ELFN2: variants seen among roughly 807,000 people sequenced by gnomAD.
ELFN2 encodes extracellular leucine rich repeat and fibronectin type III domain containing 2, also known as protein phosphatase 1 regulatory subunit 29.
ELFN2 carries 17 observed loss-of-function variants against 45.5 expected under a neutral mutation model. That is an observed-to-expected ratio of 0.37 (90% CI 0.26 to 0.56). The LOEUF is 0.56. Among genes scored for constraint, ELFN2 ranks in the 20% least tolerant of loss-of-function variants. ELFN2 has a pLI of 0.77. For synonymous variants in ELFN2, 550 were observed against 551.5 expected (o/e 1.00, Z 0.04); for missense variants, 922 against 1,183.2 (o/e 0.78, Z 3.24).
chr22:37,375,833 T>TCTCC lies in ELFN2; in HGVS notation c.-303_-300dup. The TCTCC allele has an allele frequency of 4.6e-6, 2 of 431,698 alleles. No homozygotes were observed. Among genetic ancestry groups the TCTCC allele is most frequent in the Non-Finnish European group, 4.2e-6 (1 of 238,682 alleles). The allele number at this position is 431,698 out of a possible 1,614,324, so 26.7% of individuals were successfully genotyped here. A position where few individuals can be genotyped will look rare whatever the true frequency, so the allele number is the denominator to read the frequency against. Reference sequence around the variant, plus strand: ...CAAGGGTTCTCAGGGCTTGACTTCCTCTCCCTCCTCCTCCTCCTCCTCCTC... The same window carrying TCTCC: ...CAAGGGTTCTCAGGGCTTGACTTCCTCTCCCTCCCTCCTCCTCCTCCTCCTCCTC... On this transcript the variant is annotated 5_prime_UTR_variant, in exon 3 of 3. Transcript: ENST00000402918.
In ELFN2 at chr22:37,373,578, C is replaced by A. The variant is rs754741377; in HGVS notation, c.1957G>T (p.Ala653Ser). 1.2e-5 allele frequency: 19 copies of A among 1,605,458 alleles called. No individual in the cohort carries two copies. Among genetic ancestry groups the A allele is most frequent in the Non-Finnish European group, 1.4e-5 (17 of 1,177,382 alleles). Reference sequence around the variant, plus strand: ...GAGTCGCCCTTAGCCAGCCCTGTGGCGGCCGGATGGTCGGGCACGTCCAGG... The same window carrying A: ...GAGTCGCCCTTAGCCAGCCCTGTGGAGGCCGGATGGTCGGGCACGTCCAGG... ...FSLDVPDHPA[A>S]TGLAKGDSKY... Residue 653 changes from alanine (A) to serine (S), a missense_variant, in exon 3 of 3, where the codon GCC becomes TCC. Around this residue, in one of 2 missense-constraint regions of ELFN2, gnomAD observed 564 missense variants for 642.8 expected, o/e 0.88. Coordinates refer to ENST00000402918, the MANE Select transcript of ELFN2 (RefSeq NM_052906.5).
At chr22:37,362,927 G>A (rs554096516) in intron 1 of ELFN2, among the ~76,000 whole-genome samples, 73 of 152,238 alleles carry the variant, frequency 4.8e-4, no homozygotes, top group Middle Eastern at 3.4e-3. Flanking sequence ...TACCGCCATC[G>A]TCCCTGCCCT....
chr22:37,397,164 G>GCCCCC (rs1932233892), intron 2 of ELFN2, among the ~76,000 whole-genome samples: 1 of 152,114 alleles, frequency 6.6e-6, no homozygotes, highest in Admixed American at 6.5e-5. Flanking sequence ...CCACTCCACA[G>GCCCCC]CACCCCCATG....
chr22:37,353,016 A>G (rs1569125854), intron 1 of ELFN2: 2 of 150,898 alleles, frequency 1.3e-5, no homozygotes, highest in African/African-American at 4.8e-5. Flanking sequence ...TCTGGCCTAC[A>G]CAGAGACCAC....
At chr22:37,365,695 C>T (rs1411648940), downstream of ELFN2, among the ~76,000 whole-genome samples, 1 of 152,174 alleles carries the variant, frequency 6.6e-6, no homozygotes, top group African/African-American at 2.4e-5. Context: ...GTCCTGTTTG[C>T]AGCACCCAGG....
At chr22:37,393,375 G>C (rs760081668) in intron 2 of ELFN2, among the ~76,000 whole-genome samples, 2 of 152,224 alleles carry the variant, frequency 1.3e-5, no homozygotes, top group African/African-American at 2.4e-5. Context: ...TGCAGTCAGT[G>C]GGCCTCAGGT....
chr22:37,408,334 G>T (rs1393058604), intron 2 of ELFN2, among the ~76,000 whole-genome samples: 1 of 152,228 alleles, frequency 6.6e-6, no homozygotes, highest in African/African-American at 2.4e-5. Context: ...ACTCAGCTCT[G>T]CTGGCACAGG....
At chr22:37,416,626 C>T (rs554501675) in intron 2 of ELFN2, among the ~76,000 whole-genome samples, 4 of 152,234 alleles carry the variant, frequency 2.6e-5, no homozygotes, top group South Asian at 2.1e-4. Flanking sequence ...AGGAAGCAAG[C>T]GCTGGTGCAG....
At position 37,374,011 on chromosome 22, in the gene ELFN2, G is replaced by A. The variant is rs201585205; in HGVS notation, c.1524C>T (p.Gly508=). The A allele has an allele frequency of 1.4e-5, 22 of 1,613,112 alleles. No individual in the cohort carries two copies. In the Admixed American group the frequency reaches 1.5e-4, roughly 11 times the overall value. Residue 508 remains glycine, a synonymous_variant, in exon 3 of 3, where the codon GGC becomes GGT. Coordinates refer to ENST00000402918, the MANE Select transcript of ELFN2 (RefSeq NM_052906.5). ...GCCGAGCCAGACCGTCCCCGCCGGCGCCTGTGCGCACCTCGATATAGTTGC... is the reference window on the plus strand; with the variant it reads ...GCCGAGCCAGACCGTCCCCGCCGGCACCTGTGCGCACCTCGATATAGTTGC... The part of the protein sequence containing the change: ...TKGNYIEVRT[G]AGGDGLARPE...
At chr22:37,348,017 C>T (rs1185363532) in intron 1 of ELFN2, among the ~76,000 whole-genome samples, 2 of 152,190 alleles carry the variant, frequency 1.3e-5, no homozygotes, top group African/African-American at 2.4e-5. Context: ...GAACTCTACC[C>T]CTGGGGATTC....
chr22:37,397,314 A>C (rs1932240294), intron 2 of ELFN2, among the ~76,000 whole-genome samples: 1 of 152,154 alleles, frequency 6.6e-6, no homozygotes, highest in South Asian at 2.1e-4. Context: ...GGGAGTGAAA[A>C]TTGAAAACAC....
intron 2 of ELFN2, among the ~76,000 whole-genome samples, chr22:37,402,340 C>T (rs1165861750): frequency 6.6e-6 from 1 of 152,228 alleles, no homozygotes; most frequent in Non-Finnish European, 1.5e-5. Flanking sequence ...CGTGTTGACA[C>T]ACATTTGAGT....
At position 37,343,567 on chromosome 22, in the gene ELFN2, T is replaced by C. The variant is rs376560058; in HGVS notation, n.149-864A>G. Among the ~76,000 whole-genome samples, 13 of 152,198 alleles carry C rather than the reference T, an allele frequency of 8.5e-5. No individual in the cohort carries two copies. The East Asian group carries it at 2.5e-3, about 29-fold the overall frequency. Reference sequence around the variant, plus strand: ...CCTTGGCCAGCTTCCCTCATTGCTGTGAGCCGAGCCTGTCTTGCTCCCTCC... The same window carrying C: ...CCTTGGCCAGCTTCCCTCATTGCTGCGAGCCGAGCCTGTCTTGCTCCCTCC... On this transcript the variant is annotated intron_variant and non_coding_transcript_variant, in intron 1 of 2. Coordinates refer to ENST00000452946, the Ensembl canonical transcript of ELFN2.
intron 2 of ELFN2, among the ~76,000 whole-genome samples, chr22:37,413,568 T>TA (rs71195012): frequency 0.1 from 12,416 of 122,572 alleles, 886 homozygotes; most frequent in African/African-American, 0.22. Context: ...ACAGCCTGTC[T>TA]AAAAAAAAAA....
chr22:37,379,908 C>G (rs1366770649), intron 2 of ELFN2, among the ~76,000 whole-genome samples: 2 of 152,204 alleles, frequency 1.3e-5, no homozygotes, highest in African/African-American at 4.8e-5. Context: ...ACAAGGAGTC[C>G]TGGCTCAGTC....
intron 2 of ELFN2, among the ~76,000 whole-genome samples, chr22:37,397,747 ACTT>A (rs1438862336): frequency 1.3e-5 from 2 of 152,078 alleles, no homozygotes; most frequent in African/African-American, 4.8e-5. Context: ...TCTCCTGCCC[ACTT>A]CTTCTTACAT....
chr22:37,399,675 A>G (rs1054459309), intron 2 of ELFN2, among the ~76,000 whole-genome samples: 1 of 151,028 alleles, frequency 6.6e-6, no homozygotes, highest in African/African-American at 2.4e-5. Flanking sequence ...GGGGACCATC[A>G]GCCCACCTCT....
rs1475459790 is a variant in ELFN2, at chr22:37,373,959, TC to T, written c.1575del (p.Asn526ThrfsTer93). 6.2e-7 allele frequency: 1 copy of T among 1,611,998 alleles called. No individual in the cohort carries two copies. Among genetic ancestry groups the T allele is most frequent in the African/African-American group, 1.3e-5 (1 of 74,574 alleles). ...ATCTCTGCAGCCGAGCCCTGGCCGT[TC>T]TCGAGGTCCGGGAGGTCATCCTCGG... The part of the protein sequence containing the change: ...ARPEDDLPDL[E>X]NGQGSAAEIS... On this transcript the variant is annotated frameshift_variant, in exon 3 of 3. Transcript: ENST00000402918. LOFTEE classifies it high-confidence loss of function.
intron 1 of ELFN2, among the ~76,000 whole-genome samples, chr22:37,357,593 T>C (rs1450094718): frequency 6.6e-6 from 1 of 152,202 alleles, no homozygotes; most frequent in Non-Finnish European, 1.5e-5. Flanking sequence ...TCTAAGAATT[T>C]GTGTCAAAAT....
Sources: gnomAD v4.1 joint callset for allele counts (sites outside exome capture counted in the v4.1 genomes callset) on GRCh38, gnomAD v4.1.1 for gene constraint, gnomAD v4.1.1 regional missense constraint, MANE v1.5 for transcripts, NCBI Gene and HGNC (gene_info 2026-07-23, HGNC 2026-07-21) for gene names.